Variants in ZMAT1 observed in about 807,000 individuals in gnomAD.
ZMAT1 encodes the protein zinc finger matrin-type 1, also known as zinc finger matrin-type protein 1.
ZMAT1 carries 11 observed loss-of-function variants against 18.5 expected under a neutral mutation model. That is an observed-to-expected ratio of 0.59 (90% CI 0.37 to 0.98). ZMAT1 has a LOEUF of 0.98. ZMAT1 is among the 50% of genes least tolerant of loss of function. The probability of loss-of-function intolerance (pLI) is 0.01; values close to 1 mark genes in which losing one functional copy is unlikely to be tolerated. For synonymous variants in ZMAT1, 211 were observed against 176.4 expected, an observed-to-expected ratio of 1.20 and a Z score of -1.55; for missense variants, 525 against 496.2, an observed-to-expected ratio of 1.06 and a Z score of -0.55.
Position 101,883,586 on chromosome X carries a change from C to T in ZMAT1, c.2012G>A (p.Arg671Lys). Residue 671 changes from arginine (R) to lysine (K), a missense_variant, in exon 6 of 6, where the codon AGG becomes AAG. Transcript: ENST00000651725. ...TTCAACAGATTTCTTTTTCTCTTTC[C>T]TGTGCTTACGTTCTTCTTTCTCGGA... ...VPSEKEERKH[R>K]KEKKKSVEER... is the part of the protein sequence containing the mutation. The T allele has an allele frequency of 8.3e-7, 1 of 1,206,715 alleles. No homozygotes were observed. The highest frequency in any genetic ancestry group is 1.1e-6 in the Non-Finnish European group (1 of 894,233).
chrX:101,900,103 CTTT>C, intron 2 of ZMAT1, among the ~76,000 whole-genome samples: 1 of 111,938 alleles, frequency 8.9e-6, no homozygotes, highest in African/African-American at 3.2e-5. Flanking sequence ...TGCATATCTT[CTTT>C]TGAGAATCAT....
chrX:101,931,606 G>A, intron 1 of ZMAT1, 111 bp downstream of exon 1: 1 of 586,475 alleles, frequency 1.7e-6, no homozygotes, highest in African/African-American at 8.4e-5. Flanking sequence ...ACTGCGCCAC[G>A]GCAGGTGGGG....
intron 1 of ZMAT1, among the ~76,000 whole-genome samples, chrX:101,905,168 A>G (rs1928523977): frequency 8.9e-6 from 1 of 112,158 alleles, no homozygotes; most frequent in Non-Finnish European, 1.9e-5. Context: ...ACCACAAACT[A>G]TCTTTGCCCA....
chrX:101,923,208 GGTT>G (rs1191671701), intron 1 of ZMAT1, among the ~76,000 whole-genome samples: 1 of 111,533 alleles, frequency 9.0e-6, no homozygotes, highest in Non-Finnish European at 1.9e-5. Context: ...TTTATTGGTT[GGTT>G]GTTAAGTGTG....
chrX:101,886,410 G>T (rs1471853911), intron 5 of ZMAT1, among the ~76,000 whole-genome samples: 2 of 111,288 alleles, frequency 1.8e-5, no homozygotes, highest in East Asian at 2.9e-4. Flanking sequence ...GTCAGGAGGG[G>T]TGCCAGTTAG....
rs1927277221 is a variant in ZMAT1 at position 101,890,150 on chromosome X, T to TAG, written c.677-3420_677-3419insCT. 2 of 111,951 alleles carry TAG rather than the reference T, an allele frequency of 1.8e-5. 1 individual carries two copies. Among genetic ancestry groups the TAG allele is most frequent in the Non-Finnish European group, 3.8e-5 (2 of 53,160 alleles). The allele number at this position is 111,951 out of a possible 1,213,427, so 9.2% of individuals were successfully genotyped here. A position where few individuals can be genotyped will look rare whatever the true frequency, so the allele number is the denominator to read the frequency against. ...AAGTGACTGTATCTCCAAATCTATG[T>TAG]TTATCCCTCTATACAACACTGACTC... On this transcript the variant is annotated intron_variant, in intron 4 of 5. Transcript: ENST00000651725.
At chrX:101,909,760 GA>G (rs1928839460) in intron 1 of ZMAT1, among the ~76,000 whole-genome samples, 1 of 112,326 alleles carries the variant, frequency 8.9e-6, no homozygotes, top group Non-Finnish European at 1.9e-5. Context: ...CAATACAATA[GA>G]ATACCAGGTA....
chrX:101,900,559 G>A (rs1289663940), intron 2 of ZMAT1, among the ~76,000 whole-genome samples: 1 of 111,896 alleles, frequency 8.9e-6, no homozygotes, highest in African/African-American at 3.2e-5. Context: ...TGAATAGGGT[G>A]TCCTTTCCCC....
In ZMAT1 at chrX:101,884,716, C is replaced by T; in HGVS notation, c.882G>A (p.Glu294=). The T allele has an allele frequency of 8.3e-7, 1 of 1,208,704 alleles. No homozygotes were observed. The highest frequency in any genetic ancestry group is 3.0e-5 in the East Asian group (1 of 33,712). ...YINVQKARGL[E]AKTCFRKMEE... ...CCATCTTTCTGAAACAAGTCTTGGCCTCTAGTCCTCTGGCTTTCTGCACAT... is the reference window on the plus strand; with the variant it reads ...CCATCTTTCTGAAACAAGTCTTGGCTTCTAGTCCTCTGGCTTTCTGCACAT... Residue 294 remains glutamate (E), a synonymous_variant, in exon 6 of 6, where the codon GAG becomes GAA. Coordinates refer to ENST00000651725, the MANE Select transcript of ZMAT1 (RefSeq NM_001394560.1).
intron 4 of ZMAT1, among the ~76,000 whole-genome samples, chrX:101,892,167 T>C (rs1006880485): frequency 6.3e-5 from 7 of 111,035 alleles, no homozygotes; most frequent in African/African-American, 2.3e-4. Flanking sequence ...TAAGTAGGAC[T>C]AAAGGTCCAA....
intron 1 of ZMAT1, among the ~76,000 whole-genome samples, chrX:101,921,066 T>G (rs754378057): frequency 6.5e-4 from 72 of 111,565 alleles, no homozygotes; most frequent in Non-Finnish European, 1.1e-3. Flanking sequence ...TTTTTTGCAC[T>G]ACTTCAAATC....
chrX:101,927,197 A>G (rs1930106532), intron 1 of ZMAT1, among the ~76,000 whole-genome samples: 1 of 112,613 alleles, frequency 8.9e-6, no homozygotes, highest in Admixed American at 9.4e-5. Context: ...CACCATCACA[A>G]TCTTAGAAAA....
chrX:101,883,295 T>C lies in ZMAT1; in HGVS notation c.*215A>G. ...GGTTTCCTTTTCTCTTATGTTCTCC[T>C]TGAGTTCTTATGTTCTTTTCTCAGA... On this transcript the variant is annotated 3_prime_UTR_variant, in exon 6 of 6. Coordinates refer to ENST00000651725, the MANE Select transcript of ZMAT1 (RefSeq NM_001394560.1). The C allele has an allele frequency of 7.7e-6, 2 of 260,041 alleles. No homozygotes were observed. The highest frequency in any genetic ancestry group is 1.3e-4 in the Admixed American group (2 of 15,129). 21.4% of individuals were successfully genotyped at this position (260,041 alleles called of 1,213,427 possible).
chrX:101,929,776 T>C (rs1019931393), intron 1 of ZMAT1, among the ~76,000 whole-genome samples: 3 of 111,494 alleles, frequency 2.7e-5, no homozygotes, highest in Non-Finnish European at 5.6e-5. Context: ...TTATGAGTTA[T>C]TGTTCTAGTG....
At chrX:101,904,389 T>G in intron 1 of ZMAT1, 59 bp from the exon 2 acceptor site, 1 of 865,886 alleles carries the variant, frequency 1.2e-6, no homozygotes, top group Non-Finnish European at 1.6e-6. Context: ...GAGGTATCAT[T>G]TTTCATTCCT....
chrX:101,922,479 T>C (rs1318964704), intron 1 of ZMAT1, among the ~76,000 whole-genome samples: 4 of 109,366 alleles, frequency 3.7e-5, no homozygotes, highest in Non-Finnish European at 7.6e-5. Context: ...CTGCAACCTC[T>C]GCCTCCGGGG....
intron 4 of ZMAT1, among the ~76,000 whole-genome samples, chrX:101,892,519 T>C (rs751836666): frequency 2.7e-5 from 3 of 111,717 alleles, no homozygotes; most frequent in African/African-American, 9.7e-5. Flanking sequence ...TGTAGGTGAC[T>C]AATAAACATT....
chrX:101,921,361 A>T, intron 1 of ZMAT1, among the ~76,000 whole-genome samples: 1 of 112,383 alleles, frequency 8.9e-6, no homozygotes, highest in East Asian at 2.8e-4. Flanking sequence ...TTCTAAAATG[A>T]CAATCCTTCA....
intron 4 of ZMAT1, among the ~76,000 whole-genome samples, chrX:101,893,207 G>A (rs1282649219): frequency 9.0e-6 from 1 of 111,148 alleles, no homozygotes; most frequent in Non-Finnish European, 1.9e-5. Context: ...ACTTCAGGGT[G>A]CCAAAATGGC....
Sources: allele counts gnomAD v4.1 joint callset (sites outside exome capture counted in the v4.1 genomes callset), GRCh38; gene constraint gnomAD v4.1.1; transcripts MANE v1.5; gene names NCBI Gene and HGNC (gene_info 2026-07-23, HGNC 2026-07-21).